Variants in MDFIC2 observed in about 807,000 individuals in gnomAD.
The protein encoded by MDFIC2 is MyoD family inhibitor domain containing 2.
intron 2 of MDFIC2, among the ~76,000 whole-genome samples, chr3:70,291,446 C>T (rs1702238866): frequency 6.6e-6 from 1 of 152,182 alleles, no homozygotes; most frequent in African/African-American, 2.4e-5. Flanking sequence ...GCTACCTTCT[C>T]CAGATGGACC....
chr3:70,294,593 C>T (rs530202643), intron 2 of MDFIC2, among the ~76,000 whole-genome samples: 39 of 152,134 alleles, frequency 2.6e-4, no homozygotes, highest in African/African-American at 3.4e-4. Context: ...GCAAGGTAGC[C>T]GGGTCACTTA....
At chr3:70,282,607 G>T (rs1680916237) in intron 2 of MDFIC2, among the ~76,000 whole-genome samples, 1 of 152,130 alleles carries the variant, frequency 6.6e-6, no homozygotes, top group Non-Finnish European at 1.5e-5. Context: ...TTCTATGCTG[G>T]AAATCCTTTC....
At chr3:70,287,802 G>C (rs1004498570) in intron 2 of MDFIC2, among the ~76,000 whole-genome samples, 1 of 148,726 alleles carries the variant, frequency 6.7e-6, no homozygotes, top group African/African-American at 2.5e-5. Context: ...TGTATGTGTC[G>C]AGGAATTTAT....
chr3:70,281,423 T>C (rs543822778), intron 2 of MDFIC2, among the ~76,000 whole-genome samples: 1 of 152,294 alleles, frequency 6.6e-6, no homozygotes, highest in Admixed American at 6.5e-5. Context: ...TAGAATTCTG[T>C]CTTTACCATT....
intron 2 of MDFIC2, among the ~76,000 whole-genome samples, chr3:70,273,026 A>C (rs1701988910): frequency 6.6e-6 from 1 of 152,056 alleles, no homozygotes; most frequent in Non-Finnish European, 1.5e-5. Context: ...CTCCACCTCC[A>C]AATATCCTTC....
intron 2 of MDFIC2, among the ~76,000 whole-genome samples, chr3:70,281,572 CA>C: frequency 6.6e-6 from 1 of 152,068 alleles, no homozygotes. Context: ...AAGCTCAAAA[CA>C]AACAAACAAA....
chr3:70,216,588 T>A (rs1701414334), intron 2 of MDFIC2, among the ~76,000 whole-genome samples: 1 of 152,098 alleles, frequency 6.6e-6, no homozygotes, highest in African/African-American at 2.4e-5. Context: ...CTATACTATC[T>A]AGATAGAGAT....
At chr3:70,211,755 C>T (rs1701352134) in intron 2 of MDFIC2, among the ~76,000 whole-genome samples, 1 of 142,254 alleles carries the variant, frequency 7.0e-6, no homozygotes, top group Admixed American at 7.4e-5. Flanking sequence ...TTCCTTTCTG[C>T]TTTTCTTTCT....
intron 2 of MDFIC2, among the ~76,000 whole-genome samples, chr3:70,219,135 T>A (rs1701440014): frequency 6.6e-6 from 1 of 152,196 alleles, no homozygotes. Context: ...ATCACAGTCC[T>A]TGAAACAGCC....
chr3:70,282,128 T>A (rs1436456163), intron 2 of MDFIC2, among the ~76,000 whole-genome samples: 1 of 151,996 alleles, frequency 6.6e-6, no homozygotes, highest in East Asian at 1.9e-4. Context: ...GGGAAATGGG[T>A]CAGGGAACCA....
At chr3:70,229,554 G>T (rs1173073333) in intron 2 of MDFIC2, among the ~76,000 whole-genome samples, 2 of 152,178 alleles carry the variant, frequency 1.3e-5, no homozygotes, top group Non-Finnish European at 2.9e-5. Flanking sequence ...TGGCTGAAGG[G>T]ACATGGGCAG....
intron 2 of MDFIC2, among the ~76,000 whole-genome samples, chr3:70,232,548 C>T (rs371693558): frequency 5.3e-5 from 8 of 151,834 alleles, no homozygotes; most frequent in East Asian, 1.9e-4. Flanking sequence ...TACAGGTGCC[C>T]GCCACCACGC....
At chr3:70,264,694 C>A (rs1701899344) in intron 2 of MDFIC2, among the ~76,000 whole-genome samples, 1 of 152,188 alleles carries the variant, frequency 6.6e-6, no homozygotes, top group Non-Finnish European at 1.5e-5. Flanking sequence ...GTGAACATGG[C>A]AGATGCAGTC....
At chr3:70,226,633 G>A (rs1701509234) in intron 2 of MDFIC2, among the ~76,000 whole-genome samples, 1 of 151,736 alleles carries the variant, frequency 6.6e-6, no homozygotes, top group Non-Finnish European at 1.5e-5. Context: ...AGCTTCTCGG[G>A]AGGCTGAGGC....
intron 2 of MDFIC2, among the ~76,000 whole-genome samples, chr3:70,287,775 G>T (rs998199358): frequency 4.6e-5 from 7 of 151,006 alleles, no homozygotes; most frequent in African/African-American, 1.2e-4. Flanking sequence ...CTTCTTCCTG[G>T]TTTAGTCTTG....
At chr3:70,272,528 T>A (rs1412950122) in intron 2 of MDFIC2, among the ~76,000 whole-genome samples, 1 of 152,264 alleles carries the variant, frequency 6.6e-6, no homozygotes, top group Non-Finnish European at 1.5e-5. Flanking sequence ...GGATGTTTCC[T>A]GTTTTTAGGT....
intron 2 of MDFIC2, among the ~76,000 whole-genome samples, chr3:70,245,863 G>T (rs948601487): frequency 6.6e-6 from 1 of 150,672 alleles, no homozygotes; most frequent in African/African-American, 2.4e-5. Flanking sequence ...AACAATCTCC[G>T]CAGAAGAGGG....
intron 2 of MDFIC2, among the ~76,000 whole-genome samples, chr3:70,266,138 G>C (rs1701915341): frequency 6.6e-6 from 1 of 152,090 alleles, no homozygotes; most frequent in Admixed American, 6.5e-5. Flanking sequence ...TTTTTCTTCA[G>C]TTTAGTAGCC....
At chr3:70,307,542 A>G (rs1007753807) in intron 2 of MDFIC2, among the ~76,000 whole-genome samples, 1 of 151,910 alleles carries the variant, frequency 6.6e-6, no homozygotes, top group African/African-American at 2.4e-5. Flanking sequence ...TTTTTCCTCC[A>G]TAAAGTTTTC....
Sources: allele counts gnomAD v4.1 joint callset (sites outside exome capture counted in the v4.1 genomes callset), GRCh38; gene constraint gnomAD v4.1.1; transcripts MANE v1.5; gene names NCBI Gene and HGNC (gene_info 2026-07-23, HGNC 2026-07-21).